The following POTEH variants were observed in gnomAD, a reference collection of about 807,000 sequenced individuals.
The protein encoded by POTEH is ANKRD26-like family C member 3.
A neutral mutation model predicts 41.7 loss-of-function variants in POTEH; 6 were observed. The ratio of observed to expected loss-of-function variants is 0.14; its 90% confidence interval spans 0.08 to 0.28. The LOEUF (loss-of-function observed/expected upper bound fraction) is 0.28, where lower values mean the gene tolerates loss of function less well. POTEH is among the 10% of genes least tolerant of loss of function. POTEH has a pLI of 1.00. For missense variants in POTEH, 115 were observed against 533.5 expected (o/e 0.22, Z 7.73); for synonymous variants, 38 against 179.9 (o/e 0.21, Z 6.31).
intron 9 of POTEH, among the ~76,000 whole-genome samples, chr22:15,713,893 G>T (rs1250873135): frequency 6.6e-6 from 1 of 152,194 alleles, no homozygotes; most frequent in Non-Finnish European, 1.5e-5. Context: ...CTCTGTATCA[G>T]CCTGGCTACT....
At chr22:15,713,288 C>A (rs1320284705) in intron 9 of POTEH, among the ~76,000 whole-genome samples, 1 of 152,398 alleles carries the variant, frequency 6.6e-6, no homozygotes, top group East Asian at 1.9e-4. Context: ...TCTTACACCT[C>A]ATTTTATTTA....
chr22:15,692,719 C>T (rs1165772766), intron 1 of POTEH, among the ~76,000 whole-genome samples: 1 of 121,938 alleles, frequency 8.2e-6, no homozygotes, highest in East Asian at 2.1e-4. Flanking sequence ...CGTGCCACTA[C>T]ATTCCGGCAT....
At chr22:15,705,369 TTTTTTTGGTGTTATGC>T (rs1989644997) in intron 6 of POTEH, among the ~76,000 whole-genome samples, 1 of 133,452 alleles carries the variant, frequency 7.5e-6, no homozygotes, top group South Asian at 2.6e-4. Flanking sequence ...TTTTTTTTTT[TTTTTTTGGTGTTATGC>T]TTTTTTCATT....
chr22:15,718,860 A>G (rs1448046550), intron 9 of POTEH, among the ~76,000 whole-genome samples: 2 of 149,236 alleles, frequency 1.3e-5, no homozygotes, highest in African/African-American at 2.5e-5. Context: ...ATACACAGAT[A>G]AAATTAATTC....
chr22:15,713,240 A>G (rs868614946), intron 9 of POTEH, among the ~76,000 whole-genome samples: 2 of 152,172 alleles, frequency 1.3e-5, no homozygotes, highest in Non-Finnish European at 2.9e-5. Context: ...TCTCAAGGTT[A>G]TCACTACTTT....
At chr22:15,699,606 G>A (rs2123831476) in intron 4 of POTEH, 1 of 226,988 alleles carries the variant, frequency 4.4e-6, no homozygotes, top group Non-Finnish European at 8.6e-6. Context: ...TCAGTGCCTA[G>A]CACATGCTTA....
At chr22:15,690,938 A>G (rs149701308) in intron 1 of POTEH, among the ~76,000 whole-genome samples, 2,638 of 129,702 alleles carry the variant, frequency 0.02, 376 homozygotes, top group Middle Eastern at 0.041. Flanking sequence ...TAGAACACGA[A>G]TAGACTGTTT....
Position 15,691,475 on chromosome 22 carries a change from G to A in POTEH, c.632+766G>A, listed in dbSNP as rs555575420. Reference sequence around the variant, plus strand: ...TGGGAGGCGGAGCTTGCAGTGAGCCGAGATCACGCCACTGTAGTAGAGCCT... The same window carrying A: ...TGGGAGGCGGAGCTTGCAGTGAGCCAAGATCACGCCACTGTAGTAGAGCCT... On this transcript the variant is annotated intron_variant, in intron 1 of 10. Transcript: ENST00000343518. Among the ~76,000 whole-genome samples the A allele has an allele frequency of 9.3e-5, 11 of 117,688 alleles. 2 individuals are homozygous for A. Among genetic ancestry groups the A allele is most frequent in the South Asian group, 2.7e-4 (1 of 3,726 alleles). The allele number at this position is 117,688 out of a possible 152,430, so 77.2% of individuals were successfully genotyped here.
At chr22:15,705,477 T>A (rs1370608074) in intron 6 of POTEH, among the ~76,000 whole-genome samples, 3 of 152,100 alleles carry the variant, frequency 2.0e-5, no homozygotes, top group African/African-American at 4.8e-5. Flanking sequence ...TTTGTAAATG[T>A]TCATGTTCCC....
intron 9 of POTEH, among the ~76,000 whole-genome samples, chr22:15,713,334 T>G (rs1248017804): frequency 6.6e-6 from 1 of 152,292 alleles, no homozygotes; most frequent in Admixed American, 6.5e-5. Flanking sequence ...GGAGGGCATC[T>G]TCTCCCTAAC....
intron 1 of POTEH, among the ~76,000 whole-genome samples, chr22:15,691,524 TC>T (rs1193774895): frequency 3.5e-4 from 18 of 51,384 alleles, no homozygotes; most frequent in African/African-American, 8.9e-4. Flanking sequence ...AGACTCCGTC[TC>T]AAAAAAAAAA....
rs1307338991 is a variant in POTEH at position 15,719,667 on chromosome 22, CAAA to C, written c.1530_1532del (p.Gln510_Asn511delinsHis). Reference sequence around the variant, plus strand: ...AATTAATTTTTTTTCTAGTGATGAACAAAATGATACTCAGAAGCAACTTTCTGA... The same window carrying C: ...AATTAATTTTTTTTCTAGTGATGAACATGATACTCAGAAGCAACTTTCTGA... On this transcript the variant is annotated inframe_deletion, in exon 10 of 11. Coordinates refer to ENST00000343518, the MANE Select transcript of POTEH (RefSeq NM_001136213.1). The C allele has an allele frequency of 9.0e-4, 454 of 506,330 alleles. No homozygotes were observed. The African/African-American group carries it at 9.8e-3, about 11-fold the overall frequency. The allele number at this position is 506,330 out of a possible 1,614,324, so 31.4% of individuals were successfully genotyped here. A position where few individuals can be genotyped will look rare whatever the true frequency, so the allele number is the denominator to read the frequency against.
At chr22:15,692,885 A>T (rs1280145300) in intron 1 of POTEH, among the ~76,000 whole-genome samples, 1 of 128,032 alleles carries the variant, frequency 7.8e-6, no homozygotes, top group Non-Finnish European at 1.8e-5. Context: ...TAAGAACCAC[A>T]TTTTAAAAAT....
chr22:15,714,131 C>T (rs1241006981), intron 9 of POTEH, among the ~76,000 whole-genome samples: 4 of 150,618 alleles, frequency 2.7e-5, no homozygotes, highest in Admixed American at 2.6e-4. Context: ...CACTTCACAT[C>T]TAATCTCTCA....
intron 9 of POTEH, among the ~76,000 whole-genome samples, chr22:15,713,412 A>C (rs553716469): frequency 3.0e-4 from 45 of 152,072 alleles, no homozygotes; most frequent in African/African-American, 1.1e-3. Flanking sequence ...TAGTCCATTC[A>C]TCACGGTCTG....
intron 1 of POTEH, among the ~76,000 whole-genome samples, chr22:15,692,198 G>T (rs1194062867): frequency 7.4e-6 from 1 of 135,044 alleles, no homozygotes; most frequent in African/African-American, 2.6e-5. Context: ...GTAGAGATGG[G>T]GTTTCACCAT....
rs201703359 is a variant in POTEH, at chr22:15,692,753, TA to T, written c.632+2058del. Among the ~76,000 whole-genome samples the T allele has an allele frequency of 3.9e-3, 457 of 115,714 alleles. 7 individuals are homozygous for T. Among genetic ancestry groups the T allele is most frequent in the Admixed American group, 4.9e-3 (54 of 11,030 alleles). The allele number at this position is 115,714 out of a possible 152,430, so 75.9% of individuals were successfully genotyped here. A position where few individuals can be genotyped will look rare whatever the true frequency, so the allele number is the denominator to read the frequency against. ...ATGGGTGACAGAGTGAGACCCCATC[TA>T]AAAAAAAAAAAAAGCATGAAATACT... On this transcript the variant is annotated intron_variant, in intron 1 of 10. Coordinates refer to ENST00000343518, the MANE Select transcript of POTEH (RefSeq NM_001136213.1).
At position 15,692,865 on chromosome 22, in the gene POTEH, A is replaced by G. The variant is rs1989359135; in HGVS notation, c.632+2156A>G. Among the ~76,000 whole-genome samples the G allele has an allele frequency of 2.3e-5, 3 of 128,670 alleles. 1 individual carries two copies. The highest frequency in any genetic ancestry group is 8.4e-5 in the African/African-American group (3 of 35,768). 84.4% of individuals were successfully genotyped at this position (128,670 alleles called of 152,430 possible). A position where few individuals can be genotyped will look rare whatever the true frequency, so the allele number is the denominator to read the frequency against. ...AGTTGCTGCAGCTTTTCAAACAGGC[A>G]CTTTAGTGGTAAGAACCACATTTTA... On this transcript the variant is annotated intron_variant, in intron 1 of 10. Coordinates refer to ENST00000343518, the MANE Select transcript of POTEH (RefSeq NM_001136213.1).
chr22:15,711,188 A>C (rs1282518323), intron 9 of POTEH, among the ~76,000 whole-genome samples, 154 bp downstream of exon 9: 1 of 152,080 alleles, frequency 6.6e-6, no homozygotes, highest in Admixed American at 6.6e-5. Context: ...TTTTCCAGTC[A>C]TTAATTTATT....
Sources: gnomAD v4.1 joint callset for allele counts (sites outside exome capture counted in the v4.1 genomes callset) on GRCh38, gnomAD v4.1.1 for gene constraint, MANE v1.5 for transcripts, NCBI Gene and HGNC (gene_info 2026-07-23, HGNC 2026-07-21) for gene names.